The following SPATA6L variants were observed in gnomAD, a reference collection of about 807,000 sequenced individuals.
SPATA6L encodes spermatogenesis associated 6-like protein.
SPATA6L carries 68 observed loss-of-function variants against 49.2 expected under a neutral mutation model. That is an observed-to-expected ratio of 1.38 (90% CI 1.14 to 1.69). The LOEUF (loss-of-function observed/expected upper bound fraction) is 1.69. Ranked by LOEUF, SPATA6L falls within the 40% of genes most tolerant of loss-of-function variation. SPATA6L has a pLI of 0.00. For missense variants in SPATA6L, 668 were observed against 464.3 expected, an observed-to-expected ratio of 1.44 and a Z score of -4.03; for synonymous variants, 198 against 165.7, an observed-to-expected ratio of 1.19 and a Z score of -1.50.
Position 4,654,913 on chromosome 9 carries a change from G to A in SPATA6L, c.226+1128C>T, listed in dbSNP as rs115170952. On this transcript the variant is annotated intron_variant, in intron 3 of 11. Coordinates refer to ENST00000682582, the MANE Select transcript of SPATA6L (RefSeq NM_001353486.2). ...GTCCTCACCTAGGTCTGTGGGGATG[G>A]AGCCCTAGCCAGGGACCACACCCTT... Among the ~76,000 whole-genome samples, 998 of 152,208 alleles carry A rather than the reference G, an allele frequency of 6.6e-3. 12 individuals carry two copies. The highest frequency in any genetic ancestry group is 0.023 in the African/African-American group (934 of 41,502).
At position 4,661,928 on chromosome 9, in the gene SPATA6L, T is replaced by C. The variant is rs778145090; in HGVS notation, c.148A>G (p.Met50Val). 27 of 1,613,826 alleles carry C rather than the reference T, an allele frequency of 1.7e-5. No homozygotes were observed. Among genetic ancestry groups the C allele is most frequent in the Non-Finnish European group, 2.3e-5 (27 of 1,179,882 alleles). The change falls in exon 2 of 12, where the codon ATG becomes GTG. Residue 50 changes from methionine to valine, a missense_variant. By Grantham distance (21) the Met-to-Val change is conservative. Transcript: ENST00000682582. The part of the protein sequence containing the change: ...TNSFPSAFPI[M>V]IQESMRFEKV... ...TCAAATCTCATGCTCTCCTGAATCA[T>C]AATGGGGAACGCAGAGGGAAAGCTG...
intron 11 of SPATA6L, among the ~76,000 whole-genome samples, chr9:4,603,604 C>A (rs1371292585): frequency 6.6e-6 from 1 of 152,022 alleles, no homozygotes; most frequent in African/African-American, 2.4e-5. Context: ...CTAAATACTG[C>A]GTATAAAGCA....
downstream of SPATA6L, among the ~76,000 whole-genome samples, chr9:4,596,755 AG>A (rs1418354126): frequency 6.6e-6 from 1 of 152,132 alleles, no homozygotes; most frequent in Non-Finnish European, 1.5e-5. Flanking sequence ...AAACCCTTTA[AG>A]TTGAATTATC....
intron 11 of SPATA6L, among the ~76,000 whole-genome samples, chr9:4,603,599 T>A (rs1035984614): frequency 3.9e-5 from 6 of 152,222 alleles, no homozygotes; most frequent in Non-Finnish European, 8.8e-5. Context: ...TGGCACTAAA[T>A]ACTGCGTATA....
In SPATA6L at chr9:4,656,038, T is replaced by A. The variant is rs1174777457; in HGVS notation, c.226+3A>T. 3.7e-6 allele frequency: 6 copies of A among 1,610,894 alleles called. No homozygotes were observed. In the Admixed American group the frequency reaches 8.4e-5, roughly 22 times the overall value. On this transcript the variant is annotated splice_donor_region_variant and intron_variant, in intron 3 of 11. Coordinates refer to ENST00000682582, the MANE Select transcript of SPATA6L (RefSeq NM_001353486.2). ...TTTTTGTTTTGTTTTTCAGAGTACC[T>A]ACTTTCCAAAAGGTCTACTACAGCT... is the stretch of plus-strand genomic sequence containing the variant.
intron 3 of SPATA6L, among the ~76,000 whole-genome samples, chr9:4,646,040 A>G (rs1236740306): frequency 6.6e-6 from 1 of 152,160 alleles, no homozygotes; most frequent in Non-Finnish European, 1.5e-5. Context: ...CCATACAACA[A>G]TGGCCTACAG....
intron 1 of SPATA6L, chr9:4,663,155 C>T (rs772283054): frequency 1.9e-6 from 3 of 1,614,158 alleles, no homozygotes; most frequent in South Asian, 1.1e-5. Flanking sequence ...ATGTCACCGA[C>T]GTAGCTTTTG....
chr9:4,604,197 C>A lies in SPATA6L; in HGVS notation c.1162G>T (p.Glu388Ter). 6.2e-7 allele frequency: 1 copy of A among 1,610,786 alleles called. No homozygotes were observed. The highest frequency in any genetic ancestry group is 8.5e-7 in the Non-Finnish European group (1 of 1,177,752). The part of the protein sequence containing the change: ...SYPLKKYSLH[E>*]QRYF ...ACAGTACCTTAAAAATATCTCTGTT[C>A]ATGCAGTGAGTATTTCTTCAGAGGG... Residue 388 changes from glutamate to a stop codon, truncating the protein, a stop_gained, in exon 11 of 12, where the codon GAA (glutamate) becomes TAA (stop). Coordinates refer to ENST00000682582, the MANE Select transcript of SPATA6L (RefSeq NM_001353486.2). LOFTEE classifies it high-confidence loss of function.
At chr9:4,594,845 TTCACG>T (rs1822140793), downstream of SPATA6L, among the ~76,000 whole-genome samples, 3 of 152,110 alleles carry the variant, frequency 2.0e-5, no homozygotes, top group Admixed American at 6.5e-5. Context: ...CCATAAGGCC[TTCACG>T]ATAAGAACAA....
chr9:4,596,860 G>C (rs1257438872), downstream of SPATA6L, among the ~76,000 whole-genome samples: 1 of 152,174 alleles, frequency 6.6e-6, no homozygotes, highest in South Asian at 2.1e-4. Context: ...AGCAGGGTTT[G>C]CAAACTGGCT....
chr9:4,660,984 C>G lies in SPATA6L; in HGVS notation c.177+915G>C, dbSNP rs530018701. Among the ~76,000 whole-genome samples, 673 of 152,028 alleles carry G rather than the reference C, an allele frequency of 4.4e-3. 6 individuals are homozygous for G. The highest frequency in any genetic ancestry group is 0.015 in the African/African-American group (636 of 41,436). On this transcript the variant is annotated intron_variant, in intron 2 of 11. Coordinates refer to ENST00000682582, the MANE Select transcript of SPATA6L (RefSeq NM_001353486.2). The stretch of plus-strand genomic sequence containing the variant: ...CTGATAGGTGGGAATTGAACAATGA[C>G]AACACTTGGACACAGGGTGGGGAAC...
intron 9 of SPATA6L, chr9:4,617,601 T>C (rs1564170599): frequency 1.3e-5 from 3 of 222,946 alleles, no homozygotes; most frequent in Admixed American, 5.8e-5. Context: ...TTCCACTTTT[T>C]TTTCTGTAAT....
intron 3 of SPATA6L, among the ~76,000 whole-genome samples, chr9:4,644,273 G>C (rs1260103306): frequency 6.7e-6 from 1 of 149,316 alleles, no homozygotes; most frequent in Non-Finnish European, 1.5e-5. Flanking sequence ...GGCTGAGGCA[G>C]GAGAACTGCT....
rs1830930285 is a variant in SPATA6L, at chr9:4,629,116, A to T, written c.404T>A (p.Val135Glu). 6.2e-7 allele frequency: 1 copy of T among 1,611,346 alleles called. No homozygotes were observed. Among genetic ancestry groups the T allele is most frequent in the African/African-American group, 1.3e-5 (1 of 74,926 alleles). ...AAGAAATCTGTTTCTATGCAGAAAC[A>T]CACATTCTCTGATGGCTGTCCTTGT... ...FSTRTAIREC[V>E]FLHRNRFLEE... The change falls in exon 5 of 12, where the codon GTG becomes GAG. Residue 135 changes from valine to glutamate, a missense_variant. Coordinates refer to ENST00000682582, the MANE Select transcript of SPATA6L (RefSeq NM_001353486.2).
chr9:4,623,003 G>A (rs1488444144), intron 6 of SPATA6L, among the ~76,000 whole-genome samples: 1 of 152,160 alleles, frequency 6.6e-6, no homozygotes, highest in Non-Finnish European at 1.5e-5. Flanking sequence ...AGCTAGGCCG[G>A]GTACAGTGGC....
intron 4 of SPATA6L, among the ~76,000 whole-genome samples, chr9:4,629,583 A>G (rs994765341): frequency 2.0e-5 from 3 of 152,016 alleles, no homozygotes; most frequent in Non-Finnish European, 4.4e-5. Flanking sequence ...AGAGAGAGGT[A>G]TGAATACAGA....
At chr9:4,646,658 G>A (rs1835444911) in intron 3 of SPATA6L, 3 of 425,560 alleles carry the variant, frequency 7.0e-6, no homozygotes, top group Non-Finnish European at 1.2e-5. Flanking sequence ...AAAAATAACT[G>A]CCAAACCAAC....
chr9:4,644,582 T>C (rs1834864277), intron 3 of SPATA6L, among the ~76,000 whole-genome samples: 1 of 152,040 alleles, frequency 6.6e-6, no homozygotes. Context: ...TATGAAGCTG[T>C]TTTCATTTTG....
In SPATA6L at chr9:4,626,553, G is replaced by A. The variant is rs770396842; in HGVS notation, c.430-987C>T. 59 of 1,303,206 alleles carry A rather than the reference G, an allele frequency of 4.5e-5. No individual in the cohort carries two copies. The South Asian group carries it at 6.9e-4, about 15-fold the overall frequency. 80.7% of individuals were successfully genotyped at this position (1,303,206 alleles called of 1,614,324 possible). A position where few individuals can be genotyped will look rare whatever the true frequency, so the allele number is the denominator to read the frequency against. ...CCAACATCTTCCCTTTGTTTCCCCA[G>A]CCCTAGGGGTGGAAGCTGCTTCCTG... is the stretch of plus-strand genomic sequence containing the variant. On this transcript the variant is annotated intron_variant, in intron 5 of 11. Transcript: ENST00000682582.
Sources: gnomAD v4.1 joint callset for allele counts (sites outside exome capture counted in the v4.1 genomes callset) on GRCh38, gnomAD v4.1.1 for gene constraint, MANE v1.5 for transcripts, NCBI Gene and HGNC (gene_info 2026-07-23, HGNC 2026-07-21) for gene names.